Variants in AHCYL2 observed in about 807,000 individuals in gnomAD.
The protein encoded by AHCYL2 is S-adenosylhomocysteine hydrolase-like protein 2.
In AHCYL2, 28 loss-of-function variants were observed where a neutral mutation model predicts 81.4. The ratio of observed to expected loss-of-function variants is 0.34; its 90% CI spans 0.25 to 0.47. The LOEUF is 0.47. Among genes scored for constraint, AHCYL2 ranks in the 20% least tolerant of loss-of-function variants. AHCYL2 has a pLI of 1.00. For missense variants in AHCYL2, 551 were observed against 785.1 expected (o/e 0.70, Z 3.56); for synonymous variants, 272 against 290.2 (o/e 0.94, Z 0.64).
chr7:129,276,963 A>G, intron 1 of AHCYL2, among the ~76,000 whole-genome samples: 1 of 152,154 alleles, frequency 6.6e-6, no homozygotes, highest in Non-Finnish European at 1.5e-5. Flanking sequence ...ATGGTGCTAA[A>G]TTGTACAGCT....
intron 1 of AHCYL2, among the ~76,000 whole-genome samples, chr7:129,286,009 G>C (rs1401379032): frequency 6.6e-6 from 1 of 151,916 alleles, no homozygotes; most frequent in Admixed American, 6.6e-5. Context: ...ACCATGCCTG[G>C]CCTAAATCCT....
chr7:129,361,876 A>G (rs1793942184), intron 1 of AHCYL2, among the ~76,000 whole-genome samples: 1 of 152,074 alleles, frequency 6.6e-6, no homozygotes, highest in African/African-American at 2.4e-5. Flanking sequence ...AATAAGTTCC[A>G]GGTGCTAAGT....
At position 129,428,357 on chromosome 7, in the gene AHCYL2, G is replaced by T. The variant is rs1797445968; in HGVS notation, c.*1312G>T. The stretch of plus-strand genomic sequence containing the variant: ...TGCTACAAAAAGAATTAGTAATGTG[G>T]TGTGGGCAGCGTGACATTTTATGTC... On this transcript the variant is annotated 3_prime_UTR_variant, in exon 17 of 17. Coordinates refer to ENST00000325006, the MANE Select transcript of AHCYL2 (RefSeq NM_015328.4). 1 of 152,286 alleles carries T rather than the reference G, an allele frequency of 6.6e-6. No homozygotes were observed. The allele number at this position is 152,286 out of a possible 1,614,324, so 9.4% of individuals were successfully genotyped here. A position where few individuals can be genotyped will look rare whatever the true frequency, so the allele number is the denominator to read the frequency against.
chr7:129,270,510 A>G (rs941875560), intron 1 of AHCYL2, among the ~76,000 whole-genome samples: 6 of 152,202 alleles, frequency 3.9e-5, no homozygotes, highest in Non-Finnish European at 8.8e-5. Context: ...ATTCCTAGTC[A>G]TATGCCAGAT....
intron 1 of AHCYL2, among the ~76,000 whole-genome samples, chr7:129,250,594 A>G (rs1047088980): frequency 6.6e-6 from 1 of 152,202 alleles, no homozygotes; most frequent in Non-Finnish European, 1.5e-5. Context: ...AACAGTGGAC[A>G]TGTTTGCCTT....
chr7:129,411,599 A>C (rs994995771), intron 11 of AHCYL2, among the ~76,000 whole-genome samples: 14 of 142,160 alleles, frequency 9.8e-5, no homozygotes, highest in African/African-American at 3.5e-4. Context: ...GTCTCTACTA[A>C]AAATACAAAA....
intron 11 of AHCYL2, among the ~76,000 whole-genome samples, chr7:129,411,000 C>T (rs574210723): frequency 3.3e-5 from 5 of 151,734 alleles, no homozygotes; most frequent in Non-Finnish European, 7.4e-5. Flanking sequence ...CTGGCCTCAG[C>T]GTGGTTCTCC....
At chr7:129,363,230 G>C (rs749903606) in intron 1 of AHCYL2, among the ~76,000 whole-genome samples, 1 of 152,130 alleles carries the variant, frequency 6.6e-6, no homozygotes, top group Non-Finnish European at 1.5e-5. Flanking sequence ...ATCATATGCA[G>C]TGGTCTCACT....
chr7:129,275,228 C>A (rs970030720), intron 1 of AHCYL2, among the ~76,000 whole-genome samples: 1 of 151,758 alleles, frequency 6.6e-6, no homozygotes, highest in Non-Finnish European at 1.5e-5. Flanking sequence ...ACTAAAAATA[C>A]AAAAATTAGC....
chr7:129,314,851 A>G (rs957445232), intron 1 of AHCYL2, among the ~76,000 whole-genome samples: 2 of 152,208 alleles, frequency 1.3e-5, no homozygotes, highest in African/African-American at 4.8e-5. Flanking sequence ...AGAAGCCACA[A>G]TGGCAGTACA....
At chr7:129,421,129 A>G (rs944632213) in intron 12 of AHCYL2, among the ~76,000 whole-genome samples, 5 of 152,048 alleles carry the variant, frequency 3.3e-5, no homozygotes, top group Admixed American at 1.3e-4. Context: ...GCAGGTGCCT[A>G]TAATCCCAGC....
At chr7:129,242,424 A>G (rs1005641303) in intron 1 of AHCYL2, among the ~76,000 whole-genome samples, 1 of 151,728 alleles carries the variant, frequency 6.6e-6, no homozygotes, top group Non-Finnish European at 1.5e-5. Context: ...TAGAAGCAAA[A>G]TTGCTTATGG....
intron 4 of AHCYL2, among the ~76,000 whole-genome samples, chr7:129,391,831 GT>G (rs1461343442): frequency 6.6e-6 from 1 of 152,088 alleles, no homozygotes; most frequent in African/African-American, 2.4e-5. Context: ...ACTTTTCTGG[GT>G]TATGTGTTCT....
At chr7:129,337,847 G>A (rs1433211187) in intron 1 of AHCYL2, among the ~76,000 whole-genome samples, 7 of 152,084 alleles carry the variant, frequency 4.6e-5, no homozygotes, top group Admixed American at 6.5e-5. Flanking sequence ...GGGTTCAAGC[G>A]ATTCTTCTGC....
At chr7:129,342,723 T>C (rs1793228105) in intron 1 of AHCYL2, among the ~76,000 whole-genome samples, 1 of 152,222 alleles carries the variant, frequency 6.6e-6, no homozygotes, top group Non-Finnish European at 1.5e-5. Context: ...AGTAAGAGCA[T>C]TTATTTTACA....
At chr7:129,285,563 A>C (rs915826387) in intron 1 of AHCYL2, among the ~76,000 whole-genome samples, 8 of 152,214 alleles carry the variant, frequency 5.3e-5, no homozygotes, top group African/African-American at 1.9e-4. Context: ...AAAGGAACTT[A>C]GGTTGAACTT....
chr7:129,241,653 A>G (rs1794859728), intron 1 of AHCYL2, among the ~76,000 whole-genome samples: 1 of 152,188 alleles, frequency 6.6e-6, no homozygotes, highest in South Asian at 2.1e-4. Context: ...AGAAAAGTGT[A>G]CTCATTATCC....
intron 1 of AHCYL2, among the ~76,000 whole-genome samples, chr7:129,241,672 A>C (rs1329342647): frequency 6.6e-6 from 1 of 152,200 alleles, no homozygotes; most frequent in Admixed American, 6.5e-5. Context: ...CCAGTTTAAC[A>C]AATGTTTTCA....
chr7:129,230,400 G>A (rs75385917), intron 1 of AHCYL2, among the ~76,000 whole-genome samples: 5,045 of 151,684 alleles, frequency 0.033, 112 homozygotes, highest in Non-Finnish European at 0.052. Context: ...CTTTTAAGAG[G>A]CCTCGAAGAT....
Sources: gnomAD v4.1 joint callset for allele counts (sites outside exome capture counted in the v4.1 genomes callset) on GRCh38, gnomAD v4.1.1 for gene constraint, MANE v1.5 for transcripts, NCBI Gene and HGNC (gene_info 2026-07-23, HGNC 2026-07-21) for gene names.